SPOCK3: variants seen among roughly 807,000 people sequenced by gnomAD.
The protein encoded by SPOCK3 is SPARC (osteonectin), cwcv and kazal like domains proteoglycan 3.
Under a neutral mutation model 56.6 loss-of-function variants are expected in SPOCK3, and 30 were observed. That is an observed-to-expected ratio of 0.53 (90% confidence interval 0.40 to 0.72). The LOEUF is 0.72. SPOCK3 is among the 30% of genes least tolerant of loss of function. The pLI is 0.00. For missense variants in SPOCK3, 527 were observed against 530.0 expected (o/e 0.99, Z 0.06); for synonymous variants, 196 against 183.3 (o/e 1.07, Z -0.56).
At chr4:166,952,851 T>A (rs1236052891) in intron 4 of SPOCK3, among the ~76,000 whole-genome samples, 4 of 151,966 alleles carry the variant, frequency 2.6e-5, no homozygotes, top group Admixed American at 6.6e-5. Flanking sequence ...CCCTATTTAA[T>A]AAATGGTGCT....
At chr4:167,052,633 C>A (rs867640711) in intron 3 of SPOCK3, among the ~76,000 whole-genome samples, 14 of 152,298 alleles carry the variant, frequency 9.2e-5, no homozygotes, top group Middle Eastern at 3.4e-3. Flanking sequence ...AATTTTTCCA[C>A]TAGAAAAATG....
intron 3 of SPOCK3, among the ~76,000 whole-genome samples, chr4:167,015,104 ACCC>A (rs1750488897): frequency 6.6e-6 from 1 of 152,064 alleles, no homozygotes; most frequent in African/African-American, 2.4e-5. Context: ...ATTCAGTTCT[ACCC>A]CATTCACAGA....
At chr4:167,071,154 T>G (rs1260851542) in intron 2 of SPOCK3, among the ~76,000 whole-genome samples, 1 of 151,990 alleles carries the variant, frequency 6.6e-6, no homozygotes, top group Non-Finnish European at 1.5e-5. Flanking sequence ...ACTGGTTAGT[T>G]TTAAATTGAT....
At chr4:167,068,875 G>A (rs1756408416) in intron 2 of SPOCK3, among the ~76,000 whole-genome samples, 1 of 151,848 alleles carries the variant, frequency 6.6e-6, no homozygotes, top group African/African-American at 2.4e-5. Context: ...AAGCATGATG[G>A]GAGCAAGAAG....
chr4:166,959,012 T>C lies in SPOCK3; in HGVS notation c.350+41337A>G, dbSNP rs192124711. Among the ~76,000 whole-genome samples, 37 of 152,258 alleles carry C rather than the reference T, an allele frequency of 2.4e-4. No individual in the cohort carries two copies. The East Asian group carries it at 4.6e-3, about 19-fold the overall frequency. Reference sequence around the variant, plus strand: ...ATAACATTTTATATTCAATGAAAACTAGTTACAAAAAGATTAATTTTTATT... The same window carrying C: ...ATAACATTTTATATTCAATGAAAACCAGTTACAAAAAGATTAATTTTTATT... On this transcript the variant is annotated intron_variant, in intron 4 of 10. Coordinates refer to ENST00000357545, the MANE Select transcript of SPOCK3 (RefSeq NM_001040159.2).
At chr4:167,010,158 C>G (rs142754600) in intron 3 of SPOCK3, among the ~76,000 whole-genome samples, 1 of 152,002 alleles carries the variant, frequency 6.6e-6, no homozygotes, top group Non-Finnish European at 1.5e-5. Context: ...AGTGAATTTA[C>G]GAGTTAATGG....
Position 166,890,311 on chromosome 4 carries a change from T to C in SPOCK3, c.475-1067A>G, listed in dbSNP as rs148635301. On this transcript the variant is annotated intron_variant, in intron 5 of 10. Coordinates refer to ENST00000357545, the MANE Select transcript of SPOCK3 (RefSeq NM_001040159.2). The stretch of plus-strand genomic sequence containing the variant: ...TGAGTACCATCTCCTAAAAGTAACA[T>C]TTAGGGCTAGTTGCTCAAATGCTCT... 8.1e-4 allele frequency among the ~76,000 whole-genome samples: 123 copies of C among 151,906 alleles called. 2 individuals are homozygous for C. In the East Asian group the frequency reaches 0.014, roughly 17 times the overall value.
chr4:166,949,490 G>A (rs1043534413), intron 4 of SPOCK3, among the ~76,000 whole-genome samples: 2 of 152,096 alleles, frequency 1.3e-5, no homozygotes, highest in Non-Finnish European at 2.9e-5. Context: ...TTTGGTCTTT[G>A]ATGATGGTGA....
intron 2 of SPOCK3, among the ~76,000 whole-genome samples, chr4:167,157,251 T>C (rs148197606): frequency 4.2e-4 from 64 of 152,186 alleles, no homozygotes; most frequent in African/African-American, 1.5e-3. Context: ...TCTACAAAGA[T>C]TGTAAGGTTT....
chr4:167,134,685 T>G (rs1019346643), intron 2 of SPOCK3, among the ~76,000 whole-genome samples: 4 of 152,162 alleles, frequency 2.6e-5, no homozygotes, highest in Non-Finnish European at 5.9e-5. Context: ...ATCAAAAGTA[T>G]TCAAAGGACT....
chr4:166,855,295 A>T (rs573172356), intron 6 of SPOCK3, among the ~76,000 whole-genome samples: 6 of 151,618 alleles, frequency 4.0e-5, no homozygotes, highest in South Asian at 2.1e-4. Context: ...GACAAAAAAT[A>T]AAAAAAAATG....
At chr4:166,808,416 A>G (rs1407513307) in intron 6 of SPOCK3, among the ~76,000 whole-genome samples, 1 of 151,884 alleles carries the variant, frequency 6.6e-6, no homozygotes, top group African/African-American at 2.4e-5. Context: ...CCCTAATGTG[A>G]TAGGACTGTG....
At chr4:166,887,802 T>G (rs1056358166) in intron 6 of SPOCK3, among the ~76,000 whole-genome samples, 3 of 147,330 alleles carry the variant, frequency 2.0e-5, no homozygotes, top group African/African-American at 7.6e-5. Flanking sequence ...ATCTTACAAA[T>G]CACCACTAAA....
intron 9 of SPOCK3, among the ~76,000 whole-genome samples, chr4:166,740,810 G>A (rs1305079930): frequency 6.6e-6 from 1 of 152,102 alleles, no homozygotes. Flanking sequence ...ACAGGCGTGA[G>A]CCACTGTACC....
intron 2 of SPOCK3, among the ~76,000 whole-genome samples, chr4:167,201,538 C>T (rs957160714): frequency 6.6e-6 from 1 of 151,866 alleles, no homozygotes; most frequent in Admixed American, 6.6e-5. Flanking sequence ...TGCATGCCTG[C>T]TTTTGCAAGA....
chr4:166,802,977 G>A (rs1348224638), intron 6 of SPOCK3, among the ~76,000 whole-genome samples: 7 of 152,160 alleles, frequency 4.6e-5, no homozygotes, highest in African/African-American at 7.2e-5. Flanking sequence ...TAGAGTCTGC[G>A]GTAGTGGTGT....
chr4:166,936,616 G>C (rs1213340029), intron 4 of SPOCK3, among the ~76,000 whole-genome samples: 1 of 151,888 alleles, frequency 6.6e-6, no homozygotes, highest in Non-Finnish European at 1.5e-5. Context: ...TTTCTTTACA[G>C]GGATAAATCT....
intron 7 of SPOCK3, among the ~76,000 whole-genome samples, chr4:166,763,917 A>G (rs1486728223): frequency 6.6e-6 from 1 of 152,148 alleles, no homozygotes; most frequent in African/African-American, 2.4e-5. Context: ...AGATCTCAAA[A>G]CACTAAAATC....
At chr4:166,737,442 T>C in intron 10 of SPOCK3, 25 bp downstream of exon 10, 4 of 1,599,748 alleles carry the variant, frequency 2.5e-6, no homozygotes, top group Non-Finnish European at 3.4e-6. Flanking sequence ...TAGAAAATTA[T>C]GAAATAAGTA....
Sources: gnomAD v4.1 joint callset for allele counts (sites outside exome capture counted in the v4.1 genomes callset) on GRCh38, gnomAD v4.1.1 for gene constraint, MANE v1.5 for transcripts, NCBI Gene and HGNC (gene_info 2026-07-23, HGNC 2026-07-21) for gene names.